Variants in ANAPC7 observed in about 807,000 individuals in gnomAD.
ANAPC7 encodes the protein anaphase-promoting complex subunit 7.
ANAPC7 carries 25 observed loss-of-function variants against 63.3 expected under a neutral mutation model. That is an observed-to-expected ratio of 0.39 (90% confidence interval 0.29 to 0.55). The LOEUF is 0.55. Ranked by LOEUF, ANAPC7 falls within the 20% of genes least tolerant of loss-of-function variation. ANAPC7 has a pLI of 0.57. For missense variants in ANAPC7, 516 were observed against 691.7 expected (o/e 0.75, Z 2.85); for synonymous variants, 241 against 251.7 (o/e 0.96, Z 0.40).
intron 6 of ANAPC7, among the ~76,000 whole-genome samples, chr12:110,384,006 G>A (rs1404753632): frequency 6.6e-6 from 1 of 150,608 alleles, no homozygotes; most frequent in Non-Finnish European, 1.5e-5. Context: ...TTCAAGACCA[G>A]CCTGGCCAAG....
rs150915394 is a variant in ANAPC7, at chr12:110,399,541, C to CAG, written c.102-3090_102-3089insCT. The stretch of plus-strand genomic sequence containing the variant: ...ATTGGAGAGTGATTACTAATAGACA[C>CAG]GGTTTCTTTTTGTTGGGATAATGAA... On this transcript the variant is annotated intron_variant, in intron 1 of 10. Coordinates refer to ENST00000455511, the MANE Select transcript of ANAPC7 (RefSeq NM_016238.3). Among the ~76,000 whole-genome samples the CAG allele has an allele frequency of 8.2e-3, 1,250 of 151,748 alleles. 1 individual carries two copies. The highest frequency in any genetic ancestry group is 9.4e-3 in the Non-Finnish European group (640 of 67,976).
chr12:110,396,604 G>A (rs1024248343), intron 1 of ANAPC7, 152 bp from the exon 2 acceptor site: 77 of 523,144 alleles, frequency 1.5e-4, no homozygotes, highest in African/African-American at 8.2e-4. Flanking sequence ...TCCACCTCCC[G>A]GGTTCAAGTG....
At chr12:110,398,588 C>G (rs2062177121) in intron 1 of ANAPC7, among the ~76,000 whole-genome samples, 1 of 152,196 alleles carries the variant, frequency 6.6e-6, no homozygotes, top group Non-Finnish European at 1.5e-5. Context: ...ATGAGGAACT[C>G]ATATTTTCAA....
In ANAPC7 at chr12:110,375,841, G is replaced by A. The variant is rs1881217645; in HGVS notation, c.1508+225C>T. 8 of 1,240,602 alleles carry A rather than the reference G, an allele frequency of 6.4e-6. No individual in the cohort carries two copies. In the Admixed American group the frequency reaches 2.3e-4, roughly 36 times the overall value. 76.8% of individuals were successfully genotyped at this position (1,240,602 alleles called of 1,614,324 possible). A position where few individuals can be genotyped will look rare whatever the true frequency, so the allele number is the denominator to read the frequency against. ...AAATGAACACAGATGTTATAGTGGTGTGGGATGGTTATGAGTGAAACAGTT... is the reference window on the plus strand; with the variant it reads ...AAATGAACACAGATGTTATAGTGGTATGGGATGGTTATGAGTGAAACAGTT... On this transcript the variant is annotated intron_variant, in intron 10 of 10. Transcript: ENST00000455511.
chr12:110,395,082 A>G lies in ANAPC7; in HGVS notation c.408+19T>C. ...GGTTAGGAGAGCTGAGGAGAAAAAC[A>G]CATAAACATTCAACTTACTTTGGGA... On this transcript the variant is annotated intron_variant, in intron 3 of 10. Coordinates refer to ENST00000455511, the MANE Select transcript of ANAPC7 (RefSeq NM_016238.3). 1 of 1,610,840 alleles carries G rather than the reference A, an allele frequency of 6.2e-7. No homozygotes were observed. The highest frequency in any genetic ancestry group is 8.5e-7 in the Non-Finnish European group (1 of 1,178,624).
At chr12:110,385,284 A>G (rs888478083) in intron 6 of ANAPC7, among the ~76,000 whole-genome samples, 3 of 152,284 alleles carry the variant, frequency 2.0e-5, no homozygotes, top group Middle Eastern at 3.4e-3. Flanking sequence ...CAAATAAAAA[A>G]TCACTGCCTC....
rs1267098571 is a variant in ANAPC7 at position 110,394,960 on chromosome 12, C to G, written c.408+141G>C. The G allele has an allele frequency of 4.2e-6, 4 of 961,536 alleles. No homozygotes were observed. In the South Asian group the frequency reaches 9.3e-5, roughly 22 times the overall value. The allele number at this position is 961,536 out of a possible 1,614,324, so 59.6% of individuals were successfully genotyped here. A position where few individuals can be genotyped will look rare whatever the true frequency, so the allele number is the denominator to read the frequency against. On this transcript the variant is annotated intron_variant, in intron 3 of 10. Coordinates refer to ENST00000455511, the MANE Select transcript of ANAPC7 (RefSeq NM_016238.3). ...GCTGGATTTTCAGGGTCCCCCACCC[C>G]CACTCCATGAAGAGGAAGAAAATGA...
chr12:110,377,431 T>G lies in ANAPC7; in HGVS notation c.1319A>C (p.Asp440Ala). 6.2e-7 allele frequency: 1 copy of G among 1,614,206 alleles called. No individual in the cohort carries two copies. The highest frequency in any genetic ancestry group is 8.5e-7 in the Non-Finnish European group (1 of 1,180,036). ...LLDKALTQRP[D>A]YIKAVVKKAE... ...TTTTTTCACCACAGCCTTAATGTAA[T>G]CTGGCCTTTGGGTCAGGGCTTTATC... The change falls in exon 9 of 11, where the codon GAT becomes GCT. Residue 440 changes from aspartate (D) to alanine (A), a missense_variant. By Grantham distance (126) the Asp-to-Ala change is moderately radical (BLOSUM62 -2). Coordinates refer to ENST00000455511, the MANE Select transcript of ANAPC7 (RefSeq NM_016238.3).
chr12:110,373,984 ATGAAG>A lies in ANAPC7; in HGVS notation c.*155_*159del. On this transcript the variant is annotated 3_prime_UTR_variant, in exon 11 of 11. Transcript: ENST00000455511. ...AGGTTGGTCAGGCTCTGTTTTAGAA[ATGAAG>A]TCACGACTAGGAATTGGGAGCGAGG... The A allele has an allele frequency of 1.3e-6, 1 of 771,246 alleles. No individual in the cohort carries two copies. The allele number at this position is 771,246 out of a possible 1,614,324, so 47.8% of individuals were successfully genotyped here.
chr12:110,403,086 T>A (rs534538986), intron 1 of ANAPC7, among the ~76,000 whole-genome samples: 1 of 152,130 alleles, frequency 6.6e-6, no homozygotes, highest in African/African-American at 2.4e-5. Flanking sequence ...ACCCTCCTGA[T>A]ACACTTAACG....
Position 110,374,059 on chromosome 12 carries a change from C to G in ANAPC7, c.*85G>C, listed in dbSNP as rs1881036204. On this transcript the variant is annotated 3_prime_UTR_variant, in exon 11 of 11. Transcript: ENST00000455511. Reference sequence around the variant, plus strand: ...AATCACATGCTGAATCATTGTCCTTCTGAGAGCAGGCTCCTACGGTTCCTT... The same window carrying G: ...AATCACATGCTGAATCATTGTCCTTGTGAGAGCAGGCTCCTACGGTTCCTT... 1 of 1,418,612 alleles carries G rather than the reference C, an allele frequency of 7.0e-7. No homozygotes were observed. The highest frequency in any genetic ancestry group is 9.4e-7 in the Non-Finnish European group (1 of 1,067,030). 87.9% of individuals were successfully genotyped at this position (1,418,612 alleles called of 1,614,324 possible).
chr12:110,375,708 G>A, intron 10 of ANAPC7: 1 of 959,058 alleles, frequency 1.0e-6, no homozygotes, highest in Non-Finnish European at 1.2e-6. Flanking sequence ...AGAAACATGG[G>A]AAAGTACTTA....
At chr12:110,385,135 C>T (rs890795451) in intron 6 of ANAPC7, among the ~76,000 whole-genome samples, 39 of 152,026 alleles carry the variant, frequency 2.6e-4, no homozygotes, top group African/African-American at 8.7e-4. Context: ...GGTGTGGTGG[C>T]GGGCGCCTAT....
intron 1 of ANAPC7, among the ~76,000 whole-genome samples, chr12:110,397,759 G>A (rs1220460567): frequency 1.3e-5 from 2 of 151,828 alleles, no homozygotes; most frequent in Non-Finnish European, 2.9e-5. Context: ...GACGGGTGTG[G>A]TGGCGCATGC....
intron 3 of ANAPC7, among the ~76,000 whole-genome samples, chr12:110,394,024 A>C (rs1354042648): frequency 1.3e-5 from 2 of 149,538 alleles, no homozygotes; most frequent in African/African-American, 4.9e-5. Flanking sequence ...TACAAAAAAA[A>C]AATTAGCTGG....
Position 110,381,734 on chromosome 12 carries a change from CTA to C in ANAPC7, c.1132+16_1132+17del, listed in dbSNP as rs200431504. The C allele has an allele frequency of 0.011, 17,297 of 1,610,690 alleles. 106 individuals carry two copies. The highest frequency in any genetic ancestry group is 0.012 in the Non-Finnish European group (14,305 of 1,179,496). On this transcript the variant is annotated intron_variant, in intron 8 of 10. Coordinates refer to ENST00000455511, the MANE Select transcript of ANAPC7 (RefSeq NM_016238.3). ...ACACCCACGGATTCACACCATTCAC[CTA>C]TGTTTTCTTTCTTACCTTCATAACA...
At chr12:110,380,974 C>A (rs1051435459) in intron 8 of ANAPC7, among the ~76,000 whole-genome samples, 1 of 151,146 alleles carries the variant, frequency 6.6e-6, no homozygotes, top group East Asian at 1.9e-4. Flanking sequence ...AATAGGCAAA[C>A]TAAGTGATCT....
At chr12:110,383,178 C>G (rs1022832195) in intron 6 of ANAPC7, 7 of 447,914 alleles carry the variant, frequency 1.6e-5, no homozygotes, top group African/African-American at 1.2e-4. Context: ...GTGGCTCACA[C>G]CTGTAATTCC....
At chr12:110,387,098 G>C (rs1435661066) in intron 5 of ANAPC7, 1 of 152,314 alleles carries the variant, frequency 6.6e-6, no homozygotes, top group Non-Finnish European at 1.5e-5. Context: ...GGGTGTGGTG[G>C]CATGCGCCTG....
Sources: allele counts gnomAD v4.1 joint callset (sites outside exome capture counted in the v4.1 genomes callset), GRCh38; gene constraint gnomAD v4.1.1; transcripts MANE v1.5; gene names NCBI Gene and HGNC (gene_info 2026-07-23, HGNC 2026-07-21).